Variants in CATSPERG observed in about 807,000 individuals in gnomAD.
The protein encoded by CATSPERG is cation channel sperm-associated auxiliary subunit gamma.
A neutral mutation model predicts 145.0 loss-of-function variants in CATSPERG; 115 were observed. That is an observed-to-expected ratio of 0.79 (90% CI 0.68 to 0.93). The LOEUF is 0.93. Ranked by LOEUF, CATSPERG falls within the 40% of genes least tolerant of loss-of-function variation. CATSPERG has a pLI of 0.00. For missense variants in CATSPERG, 1,296 were observed against 1,490.1 expected (o/e 0.87, Z 2.14); for synonymous variants, 588 against 589.0 (o/e 1.00, Z 0.02).
intron 22 of CATSPERG, 141 bp downstream of exon 22, chr19:38,365,258 A>G (rs2145109583): frequency 1.5e-6 from 1 of 682,244 alleles, no homozygotes; most frequent in East Asian, 2.7e-5. Flanking sequence ...CCACCCACCC[A>G]CTACCACCCA....
intron 22 of CATSPERG, 185 bp downstream of exon 22, chr19:38,365,302 A>C: frequency 1.7e-6 from 1 of 605,816 alleles, no homozygotes; most frequent in Non-Finnish European, 2.9e-6. Flanking sequence ...TTTAAGACGG[A>C]GTTTCACTCT....
At chr19:38,352,039 C>T (rs1206515195) in intron 7 of CATSPERG, among the ~76,000 whole-genome samples, 1 of 152,200 alleles carries the variant, frequency 6.6e-6, no homozygotes, top group Non-Finnish European at 1.5e-5. Flanking sequence ...AGGGGGCACA[C>T]GAAGCCTGAA....
chr19:38,351,500 C>T (rs150489116), intron 7 of CATSPERG, among the ~76,000 whole-genome samples: 3,512 of 150,018 alleles, frequency 0.023, 84 homozygotes, highest in South Asian at 0.096. Flanking sequence ...CCCAGCTACT[C>T]GGGAAGCTGA....
chr19:38,367,267 T>C lies in CATSPERG; in HGVS notation c.2725T>C (p.Cys909Arg), dbSNP rs1469972895. Reference sequence around the variant, plus strand: ...CCTGAAGAACAAACACTACTTTGACTGCGTTAACGTGAACCCGGAGATGCC... The same window carrying C: ...CCTGAAGAACAAACACTACTTTGACCGCGTTAACGTGAACCCGGAGATGCC... ...SRLKNKHYFDCVNVNPEMPCF... is the reference protein window; with the variant it reads ...SRLKNKHYFDRVNVNPEMPCF... The change falls in exon 23 of 29, where the codon TGC becomes CGC. Residue 909 changes from cysteine (C) to arginine (R), a missense_variant. By Grantham distance (180) the Cys-to-Arg change is radical. Transcript: ENST00000409235. 1 of 1,613,766 alleles carries C rather than the reference T, an allele frequency of 6.2e-7. No homozygotes were observed. Among genetic ancestry groups the C allele is most frequent in the Admixed American group, 1.7e-5 (1 of 60,004 alleles).
At chr19:38,351,161 G>A (rs909042426) in intron 7 of CATSPERG, among the ~76,000 whole-genome samples, 1 of 152,110 alleles carries the variant, frequency 6.6e-6, no homozygotes, top group Admixed American at 6.6e-5. Flanking sequence ...CCCCAACAAA[G>A]CCAACACAAT....
At chr19:38,352,096 G>T (rs1035988965) in intron 7 of CATSPERG, among the ~76,000 whole-genome samples, 165 bp from the exon 8 acceptor site, 12 of 152,288 alleles carry the variant, frequency 7.9e-5, no homozygotes, top group African/African-American at 2.9e-4. Flanking sequence ...TATGGGGGAG[G>T]TTTGGCTACC....
chr19:38,352,224 G>A lies in CATSPERG; in HGVS notation c.826-37G>A, dbSNP rs1348825085. The A allele has an allele frequency of 9.0e-6, 14 of 1,546,990 alleles. No homozygotes were observed. The South Asian group carries it at 1.4e-4, about 16-fold the overall frequency. On this transcript the variant is annotated intron_variant, in intron 7 of 28. Coordinates refer to ENST00000409235, the MANE Select transcript of CATSPERG (RefSeq NM_021185.5). ...GGCAGGACATGGGGGCTGAGGCCAA[G>A]GCCACCTGCTCACCACTAGCCTCTG...
intron 17 of CATSPERG, 84 bp from the exon 18 acceptor site, chr19:38,362,126 T>TG (rs1970358091): frequency 2.8e-6 from 4 of 1,434,816 alleles, no homozygotes; most frequent in Non-Finnish European, 3.8e-6. Context: ...GCTTTGAGGC[T>TG]AGGAGGTGGT....
chr19:38,356,951 A>C, intron 11 of CATSPERG, 90 bp downstream of exon 11: 1 of 1,513,060 alleles, frequency 6.6e-7, no homozygotes, highest in Non-Finnish European at 9.0e-7. Context: ...TGTGCCCAGC[A>C]GACAGAGGGA....
At chr19:38,363,270 C>T (rs1970385329) in intron 20 of CATSPERG, among the ~76,000 whole-genome samples, 1 of 151,990 alleles carries the variant, frequency 6.6e-6, no homozygotes, top group Non-Finnish European at 1.5e-5. Context: ...GAACTCCTGA[C>T]CTCAAATAAT....
intron 8 of CATSPERG, 109 bp from the exon 9 acceptor site, chr19:38,354,601 A>C (rs1045313009): frequency 7.5e-7 from 1 of 1,324,876 alleles, no homozygotes; most frequent in African/African-American, 1.5e-5. Context: ...CGGGTGCTTC[A>C]GCATGAGAGG....
intron 11 of CATSPERG, among the ~76,000 whole-genome samples, chr19:38,357,460 G>A (rs542652005): frequency 1.3e-5 from 2 of 151,124 alleles, no homozygotes; most frequent in African/African-American, 4.9e-5. Context: ...GGAGGTTGAG[G>A]CTACAGTGAG....
At chr19:38,347,695 C>A (rs1241804827) in intron 7 of CATSPERG, among the ~76,000 whole-genome samples, 5 of 152,194 alleles carry the variant, frequency 3.3e-5, no homozygotes, top group African/African-American at 7.2e-5. Flanking sequence ...AATCCCAGCA[C>A]TTTGGGAGAC....
At chr19:38,336,136 T>C (rs1969830507) in intron 1 of CATSPERG, 1 of 450,822 alleles carries the variant, frequency 2.2e-6, no homozygotes, top group African/African-American at 2.1e-5. Context: ...AGGCAGGTGT[T>C]AATGGCATGG....
At position 38,356,684 on chromosome 19, in the gene CATSPERG, C is replaced by A. The variant is rs927277889; in HGVS notation, c.1196-58C>A. ...GAGTTATGGGGAGGGGTACAGCTGGCACAGGACCAAGGCTATTGAGCCCTG... is the reference window on the plus strand; with the variant it reads ...GAGTTATGGGGAGGGGTACAGCTGGAACAGGACCAAGGCTATTGAGCCCTG... On this transcript the variant is annotated intron_variant, in intron 10 of 28. Coordinates refer to ENST00000409235, the MANE Select transcript of CATSPERG (RefSeq NM_021185.5). 7 of 1,606,036 alleles carry A rather than the reference C, an allele frequency of 4.4e-6. No homozygotes were observed. In the African/African-American group the frequency reaches 8.0e-5, roughly 18 times the overall value.
In CATSPERG at chr19:38,370,812, C is replaced by T. The variant is rs1970535062; in HGVS notation, c.*20C>T. The T allele has an allele frequency of 6.2e-7, 1 of 1,608,508 alleles. No homozygotes were observed. Among genetic ancestry groups the T allele is most frequent in the African/African-American group, 1.3e-5 (1 of 74,808 alleles). ...ACCTGAGTGTCCCACCTGCCCCAGCCCCCAGTTACTGTCACGCCTCTCTTA... is the reference window on the plus strand; with the variant it reads ...ACCTGAGTGTCCCACCTGCCCCAGCTCCCAGTTACTGTCACGCCTCTCTTA... On this transcript the variant is annotated 3_prime_UTR_variant, in exon 29 of 29. Coordinates refer to ENST00000409235, the MANE Select transcript of CATSPERG (RefSeq NM_021185.5).
At position 38,370,809 on chromosome 19, in the gene CATSPERG, AG is replaced by A; in HGVS notation, c.*18del. 6.2e-7 allele frequency: 1 copy of A among 1,609,146 alleles called. No individual in the cohort carries two copies. Among genetic ancestry groups the A allele is most frequent in the Non-Finnish European group, 8.5e-7 (1 of 1,176,302 alleles). ...ATGACCTGAGTGTCCCACCTGCCCC[AG>A]CCCCCAGTTACTGTCACGCCTCTCT... On this transcript the variant is annotated 3_prime_UTR_variant, in exon 29 of 29. Transcript: ENST00000409235.
Position 38,344,386 on chromosome 19 carries a change from G to A in CATSPERG, c.669+18G>A. ...GAGAGGAGGTGAGGGAATATGGCAG[G>A]GGAAAAAGACAATGGTCTGGGCCTT... On this transcript the variant is annotated intron_variant, in intron 6 of 28. Coordinates refer to ENST00000409235, the MANE Select transcript of CATSPERG (RefSeq NM_021185.5). 1 of 1,548,672 alleles carries A rather than the reference G, an allele frequency of 6.5e-7. No individual in the cohort carries two copies.
chr19:38,354,124 G>C (rs1408223174), intron 8 of CATSPERG, among the ~76,000 whole-genome samples: 1 of 151,318 alleles, frequency 6.6e-6, no homozygotes, highest in African/African-American at 2.4e-5. Context: ...TTTCATAAGT[G>C]AATGCGTGTT....
Sources: allele counts gnomAD v4.1 joint callset (sites outside exome capture counted in the v4.1 genomes callset), GRCh38; gene constraint gnomAD v4.1.1; transcripts MANE v1.5; gene names NCBI Gene and HGNC (gene_info 2026-07-23, HGNC 2026-07-21).